The following SRPK2 variants were observed in gnomAD, a reference collection of about 807,000 sequenced individuals.
The protein encoded by SRPK2 is SRSF protein kinase 2.
A neutral mutation model predicts 90.8 loss-of-function variants in SRPK2; 21 were observed. That is an observed-to-expected ratio of 0.23 (90% CI 0.16 to 0.33). The LOEUF (loss-of-function observed/expected upper bound fraction) is 0.33. Ranked by LOEUF, SRPK2 falls within the 10% of genes least tolerant of loss-of-function variation. SRPK2 has a pLI of 1.00. For missense variants in SRPK2, 620 were observed against 869.0 expected (o/e 0.71, Z 3.60); for synonymous variants, 288 against 311.1 (o/e 0.93, Z 0.78).
intron 11 of SRPK2, among the ~76,000 whole-genome samples, chr7:105,140,565 C>T (rs1803588479): frequency 6.6e-6 from 1 of 151,902 alleles, no homozygotes. Flanking sequence ...TGCACCACTG[C>T]ACTCCAGCCT....
At chr7:105,182,127 A>C (rs1171284963) in intron 3 of SRPK2, among the ~76,000 whole-genome samples, 2 of 148,408 alleles carry the variant, frequency 1.3e-5, no homozygotes, top group Admixed American at 6.8e-5. Flanking sequence ...GCTATTCAGG[A>C]GGCTGAGGCA....
chr7:105,393,958 C>A (rs577341823), upstream of SRPK2, among the ~76,000 whole-genome samples: 6 of 152,096 alleles, frequency 3.9e-5, no homozygotes, highest in South Asian at 2.1e-4. Flanking sequence ...ATTGCTCCCC[C>A]CAAAAAGAAC....
chr7:105,132,141 G>A (rs1802091869), intron 13 of SRPK2, among the ~76,000 whole-genome samples: 2 of 152,372 alleles, frequency 1.3e-5, no homozygotes, highest in Middle Eastern at 3.4e-3. Context: ...GCCGCCCTGT[G>A]GAAGCCGTCA....
chr7:105,362,006 C>A (rs150612316), intron 2 of SRPK2, among the ~76,000 whole-genome samples: 1,834 of 152,188 alleles, frequency 0.012, 35 homozygotes, highest in African/African-American at 0.041. Flanking sequence ...AGCTTCTGCA[C>A]AGCAAAAGAA....
Position 105,185,550 on chromosome 7 carries a change from A to T in SRPK2, c.230-16285T>A, listed in dbSNP as rs10276211. ...GTGTATGTTACGTTCTCTTGTCAAA[A>T]AATAATAATAATAATACACTGTAAA... On this transcript the variant is annotated intron_variant, in intron 3 of 15. Coordinates refer to ENST00000393651, the MANE Select transcript of SRPK2 (RefSeq NM_182692.3). 3.0e-3 allele frequency among the ~76,000 whole-genome samples: 460 copies of T among 152,196 alleles called. 5 individuals carry two copies. Among genetic ancestry groups the T allele is most frequent in the African/African-American group, 0.011 (439 of 41,548 alleles).
chr7:105,392,793 C>G (rs1435972618), upstream of SRPK2, among the ~76,000 whole-genome samples: 1 of 151,574 alleles, frequency 6.6e-6, no homozygotes, highest in Admixed American at 6.6e-5. Context: ...CCACTATACC[C>G]AGACTTAAGT....
intron 2 of SRPK2, among the ~76,000 whole-genome samples, chr7:105,271,899 G>T (rs1805881349): frequency 6.6e-6 from 1 of 151,994 alleles, no homozygotes; most frequent in Non-Finnish European, 1.5e-5. Flanking sequence ...GTTAAATTCT[G>T]GCCTTCCTGA....
intron 2 of SRPK2, among the ~76,000 whole-genome samples, chr7:105,373,928 C>T (rs1006228229): frequency 9.9e-5 from 15 of 151,868 alleles, no homozygotes; most frequent in African/African-American, 1.5e-4. Context: ...CAATTTCTCC[C>T]GACTTTCTTT....
chr7:105,161,219 C>T (rs1271397912), intron 6 of SRPK2, among the ~76,000 whole-genome samples: 1 of 150,684 alleles, frequency 6.6e-6, no homozygotes, highest in East Asian at 1.9e-4. Context: ...GCCACCGTGC[C>T]CAGCCCATAT....
chr7:105,205,727 G>A (rs1327748247), intron 2 of SRPK2, among the ~76,000 whole-genome samples: 1 of 152,164 alleles, frequency 6.6e-6, no homozygotes. Context: ...GGAGAGGCAA[G>A]TAAGGAACTT....
intron 11 of SRPK2, among the ~76,000 whole-genome samples, chr7:105,137,987 G>A (rs149406211): frequency 1.3e-5 from 2 of 152,314 alleles, no homozygotes; most frequent in African/African-American, 4.8e-5. Context: ...GGCGAAAACT[G>A]AGTGCTTCCA....
At chr7:105,126,943 G>T in intron 14 of SRPK2, 50 bp downstream of exon 14, 2 of 1,579,428 alleles carry the variant, frequency 1.3e-6, no homozygotes, top group Non-Finnish European at 1.7e-6. Flanking sequence ...CAGAAGTTCA[G>T]GGCTGGCAGA....
chr7:105,223,558 T>G lies in SRPK2; in HGVS notation c.72-19773A>C, dbSNP rs548954059. Among the ~76,000 whole-genome samples the G allele has an allele frequency of 6.6e-5, 10 of 152,340 alleles. No homozygotes were observed. In the East Asian group the frequency reaches 9.6e-4, roughly 15 times the overall value. On this transcript the variant is annotated intron_variant, in intron 2 of 15. Coordinates refer to ENST00000393651, the MANE Select transcript of SRPK2 (RefSeq NM_182692.3). ...ATCATCTCAAACCTTATTGACTCCC[T>G]GTGAATTGTCTATGTCCCCCACAGA... is the stretch of plus-strand genomic sequence containing the variant.
At chr7:105,296,586 GA>G (rs1809847014) in intron 2 of SRPK2, among the ~76,000 whole-genome samples, 2 of 152,134 alleles carry the variant, frequency 1.3e-5, no homozygotes, top group South Asian at 4.1e-4. Flanking sequence ...AACAGGAGAG[GA>G]AAGAAAATAC....
chr7:105,264,805 C>T (rs2299327), intron 2 of SRPK2, among the ~76,000 whole-genome samples: 65,019 of 152,000 alleles, frequency 0.43, 15,426 homozygotes, highest in Non-Finnish European at 0.53. Flanking sequence ...TCACACTGAA[C>T]AGCAGATGTG....
intron 2 of SRPK2, among the ~76,000 whole-genome samples, chr7:105,250,823 C>T (rs1218275978): frequency 6.6e-6 from 1 of 152,090 alleles, no homozygotes; most frequent in African/African-American, 2.4e-5. Context: ...GTAGATGAAC[C>T]GCTTAACTAC....
intron 2 of SRPK2, among the ~76,000 whole-genome samples, chr7:105,274,984 T>C (rs1288273452): frequency 6.6e-6 from 1 of 151,886 alleles, no homozygotes; most frequent in Non-Finnish European, 1.5e-5. Context: ...GCCTCCCAGG[T>C]TCAAGCATTT....
intron 2 of SRPK2, among the ~76,000 whole-genome samples, chr7:105,318,742 G>C (rs1329067130): frequency 6.6e-6 from 1 of 152,168 alleles, no homozygotes; most frequent in Non-Finnish European, 1.5e-5. Flanking sequence ...ATATGAGTAA[G>C]GTACCAATTC....
intron 3 of SRPK2, among the ~76,000 whole-genome samples, chr7:105,197,715 C>A (rs868194641): frequency 2.2e-4 from 34 of 151,976 alleles, no homozygotes; most frequent in Admixed American, 1.2e-3. Context: ...GTTGGGGATG[C>A]GGGGGACAAT....
Sources: gnomAD v4.1 joint callset for allele counts (sites outside exome capture counted in the v4.1 genomes callset) on GRCh38, gnomAD v4.1.1 for gene constraint, MANE v1.5 for transcripts, NCBI Gene and HGNC (gene_info 2026-07-23, HGNC 2026-07-21) for gene names.